Variants in TGM6 observed in about 807,000 individuals in gnomAD.
The protein encoded by TGM6 is protein-glutamine gamma-glutamyltransferase 6.
Under a neutral mutation model 77.5 loss-of-function variants are expected in TGM6, and 74 were observed. That is an observed-to-expected ratio of 0.96 (90% CI 0.79 to 1.16). TGM6 has a LOEUF of 1.16. TGM6 is among the 50% of genes most tolerant of loss of function. The pLI is 0.00. For missense variants in TGM6, 968 were observed against 940.2 expected, an observed-to-expected ratio of 1.03 and a Z score of -0.39; for synonymous variants, 383 against 378.9, an observed-to-expected ratio of 1.01 and a Z score of -0.12.
At chr20:2,406,492 C>CAAAA (rs10626077) in intron 9 of TGM6, among the ~76,000 whole-genome samples, 2 of 131,062 alleles carry the variant, frequency 1.5e-5, no homozygotes, top group Non-Finnish European at 1.6e-5. Context: ...GACCCTGTCT[C>CAAAA]AAAAAAAAAA....
chr20:2,381,000 T>TG, intron 1 of TGM6, 25 bp downstream of exon 1: 1 of 1,608,258 alleles, frequency 6.2e-7, no homozygotes, highest in Non-Finnish European at 8.5e-7. Flanking sequence ...CCTGGGGCCT[T>TG]GGGACACCAG....
intron 9 of TGM6, among the ~76,000 whole-genome samples, chr20:2,409,135 T>A (rs1350009388): frequency 1.3e-5 from 2 of 152,306 alleles, no homozygotes; most frequent in East Asian, 3.9e-4. Flanking sequence ...AAGTGTATAA[T>A]CTTATTCCAA....
intron 10 of TGM6, 99 bp from the exon 11 acceptor site, chr20:2,430,347 G>A: frequency 1.3e-6 from 2 of 1,487,738 alleles, no homozygotes; most frequent in Non-Finnish European, 1.9e-6. Context: ...GCAAGGACCA[G>A]AGAGAAAGGA....
intron 1 of TGM6, among the ~76,000 whole-genome samples, chr20:2,383,422 C>A (rs544239651): frequency 6.6e-6 from 1 of 152,210 alleles, no homozygotes; most frequent in South Asian, 2.1e-4. Flanking sequence ...GCACATGGAC[C>A]CTTCCCTTTC....
At chr20:2,406,803 C>T (rs1448106902) in intron 9 of TGM6, among the ~76,000 whole-genome samples, 4 of 133,766 alleles carry the variant, frequency 3.0e-5, no homozygotes, top group African/African-American at 1.1e-4. Context: ...CACTGCACTC[C>T]ACCCTCAGCA....
At chr20:2,392,597 C>G (rs371585040) in intron 1 of TGM6, among the ~76,000 whole-genome samples, 1 of 152,146 alleles carries the variant, frequency 6.6e-6, no homozygotes, top group African/African-American at 2.4e-5. Flanking sequence ...TTCTGCAGAG[C>G]GGGGAACTGA....
intron 1 of TGM6, among the ~76,000 whole-genome samples, chr20:2,386,336 A>G (rs948112225): frequency 6.6e-6 from 1 of 152,160 alleles, no homozygotes; most frequent in Admixed American, 6.5e-5. Flanking sequence ...CAGATTCCAC[A>G]GGGATCAGAA....
At chr20:2,399,154 A>G (rs1418370366) in intron 5 of TGM6, among the ~76,000 whole-genome samples, 2 of 126,092 alleles carry the variant, frequency 1.6e-5, no homozygotes, top group Admixed American at 8.6e-5. Context: ...AAAAAAAAAA[A>G]AAAGAATAAT....
intron 10 of TGM6, among the ~76,000 whole-genome samples, chr20:2,427,835 A>G (rs1162872451): frequency 1.3e-5 from 2 of 152,138 alleles, no homozygotes; most frequent in Admixed American, 6.6e-5. Flanking sequence ...GGCTCACTGT[A>G]GCCTCAACTT....
At chr20:2,396,437 T>C (rs758790712) in intron 3 of TGM6, 69 bp from the exon 4 acceptor site, 122 of 1,499,856 alleles carry the variant, frequency 8.1e-5, no homozygotes, top group Non-Finnish European at 1.1e-4. Flanking sequence ...TGATCCCTGA[T>C]GCAGCCCCTT....
chr20:2,407,023 G>C (rs1266918379), intron 9 of TGM6, among the ~76,000 whole-genome samples: 2 of 152,018 alleles, frequency 1.3e-5, no homozygotes, highest in South Asian at 2.1e-4. Context: ...TTTTAAGTGA[G>C]ACACTAGTAC....
At position 2,400,425 on chromosome 20, in the gene TGM6, C is replaced by T; in HGVS notation, c.970C>T (p.Leu324=). The change falls in exon 7 of 13, where the codon CTG becomes TTG. Residue 324 remains leucine (L), a synonymous_variant. Coordinates refer to ENST00000202625, the MANE Select transcript of TGM6 (RefSeq NM_198994.3). ...CTCCTTCGGGCGGACCCTGGAGGAC[C>T]TGACAGAAGACAGCATGTGGTGGGT... ...VDSFGRTLED[L]TEDSMWNFHV... 1.2e-6 allele frequency: 2 copies of T among 1,614,164 alleles called. No individual in the cohort carries two copies. Among genetic ancestry groups the T allele is most frequent in the South Asian group, 1.1e-5 (1 of 91,084 alleles).
chr20:2,426,887 A>G (rs1471341625), intron 10 of TGM6, among the ~76,000 whole-genome samples: 1 of 152,120 alleles, frequency 6.6e-6, no homozygotes. Context: ...TTTTTTATAC[A>G]TTGTTAATTC....
intron 11 of TGM6, 128 bp from the exon 12 acceptor site, chr20:2,430,766 C>T: frequency 6.3e-7 from 1 of 1,589,450 alleles, no homozygotes; most frequent in South Asian, 1.1e-5. Context: ...TAGTGGCACT[C>T]AGCAATGGGG....
At chr20:2,430,776 G>A in intron 11 of TGM6, 118 bp from the exon 12 acceptor site, 2 of 1,594,196 alleles carry the variant, frequency 1.3e-6, no homozygotes, top group South Asian at 1.1e-5. Context: ...CAGCAATGGG[G>A]TATATGGAGG....
At chr20:2,406,560 G>T (rs1405860317) in intron 9 of TGM6, among the ~76,000 whole-genome samples, 2 of 151,634 alleles carry the variant, frequency 1.3e-5, no homozygotes, top group Admixed American at 1.3e-4. Context: ...GACCAGCTGG[G>T]TGCAGTGGCT....
intron 9 of TGM6, among the ~76,000 whole-genome samples, chr20:2,408,329 C>A (rs1472013622): frequency 6.6e-6 from 1 of 152,194 alleles, no homozygotes; most frequent in East Asian, 1.9e-4. Flanking sequence ...GGACTTGGCA[C>A]AAGATGCTTT....
At chr20:2,414,723 A>G (rs1340353997) in intron 9 of TGM6, among the ~76,000 whole-genome samples, 1 of 152,240 alleles carries the variant, frequency 6.6e-6, no homozygotes, top group African/African-American at 2.4e-5. Context: ...AGAAATAAAA[A>G]GGAACGCAGT....
chr20:2,430,384 CT>C, intron 10 of TGM6, 61 bp from the exon 11 acceptor site: 1 of 1,603,382 alleles, frequency 6.2e-7, no homozygotes, highest in Non-Finnish European at 8.5e-7. Flanking sequence ...TCCCTTCCTT[CT>C]TCCCAGTGCC....
Sources: gnomAD v4.1 joint callset for allele counts (sites outside exome capture counted in the v4.1 genomes callset) on GRCh38, gnomAD v4.1.1 for gene constraint, MANE v1.5 for transcripts, NCBI Gene and HGNC (gene_info 2026-07-23, HGNC 2026-07-21) for gene names.